HECA: variants seen among roughly 807,000 people sequenced by gnomAD.
HECA encodes HECA ribonucleoprotein granule regulator.
In HECA, 13 loss-of-function variants were observed where a neutral mutation model predicts 37.6. The observed-to-expected ratio is 0.35, with a 90% CI of 0.23 to 0.55. The LOEUF is 0.55. HECA is among the 20% of genes least tolerant of loss of function. The probability of loss-of-function intolerance (pLI) is 0.90; values close to 1 mark genes in which losing one functional copy is unlikely to be tolerated. For missense variants in HECA, 527 were observed against 701.9 expected, an observed-to-expected ratio of 0.75 and a Z score of 2.82; for synonymous variants, 307 against 291.5, an observed-to-expected ratio of 1.05 and a Z score of -0.54.
intron 1 of HECA, among the ~76,000 whole-genome samples, chr6:139,148,036 A>C (rs1399719649): frequency 6.6e-6 from 1 of 152,116 alleles, no homozygotes; most frequent in Middle Eastern, 3.2e-3. Flanking sequence ...TAATATTTGC[A>C]TTTTTTGGAT....
rs1308146354 is a variant in HECA, at chr6:139,176,305, A to T, written c.1468-636A>T. On this transcript the variant is annotated intron_variant, in intron 3 of 3. Transcript: ENST00000367658. The surrounding 1 kb of genome is among the most constrained non-coding windows in gnomAD (Gnocchi z 4.5). ...ACCTCCCAGGAGTATTTTGAGAACA[A>T]GTTGAGATTATACTTTTTAAGTACA... Among the ~76,000 whole-genome samples, 1 of 152,222 alleles carries T rather than the reference A, an allele frequency of 6.6e-6. No homozygotes were observed. The highest frequency in any genetic ancestry group is 1.5e-5 in the Non-Finnish European group (1 of 68,040).
intron 1 of HECA, among the ~76,000 whole-genome samples, chr6:139,138,012 C>T (rs940082292): frequency 1.6e-4 from 25 of 152,246 alleles, no homozygotes; most frequent in Admixed American, 1.2e-3. Context: ...GATGTGAAGT[C>T]TTCGTGAATG....
In HECA at chr6:139,138,365, A is replaced by G. The variant is rs974404927; in HGVS notation, c.271+2698A>G. On this transcript the variant is annotated intron_variant, in intron 1 of 3. Transcript: ENST00000367658. ...GACATTAGATTTTGTAATTACAGAA[A>G]TTACAAATCAAGTAATTATTACAAG... is the stretch of plus-strand genomic sequence containing the variant. Among the ~76,000 whole-genome samples, 9 of 152,344 alleles carry G rather than the reference A, an allele frequency of 5.9e-5. No individual in the cohort carries two copies. The East Asian group carries it at 1.7e-3, about 29-fold the overall frequency.
chr6:139,148,659 G>T (rs369038469), intron 1 of HECA, among the ~76,000 whole-genome samples: 1 of 152,044 alleles, frequency 6.6e-6, no homozygotes, highest in African/African-American at 2.4e-5. Flanking sequence ...CCAGCTACTC[G>T]TGAGGCTGAG....
rs1377412271 is a variant in HECA at position 139,167,008 on chromosome 6, CA to C, written c.997del (p.Arg333GlyfsTer29). On this transcript the variant is annotated frameshift_variant, in exon 2 of 4. Transcript: ENST00000367658. LOFTEE classifies it high-confidence loss of function. ...ACAGCCCTGCGGGGTTGGCAGTTCA[CA>C]GGGGGGGACACTTCGACACCCCCGT... ...DYSPAGLAVH[R>X]GGHFDTPVQF... The C allele has an allele frequency of 1.9e-6, 3 of 1,614,188 alleles. No homozygotes were observed. The highest frequency in any genetic ancestry group is 2.5e-6 in the Non-Finnish European group (3 of 1,180,038).
chr6:139,148,743 G>A (rs1774614033), intron 1 of HECA, among the ~76,000 whole-genome samples: 1 of 151,886 alleles, frequency 6.6e-6, no homozygotes, highest in Non-Finnish European at 1.5e-5. Context: ...TCCAGCCTGG[G>A]CATTAGAGGG....
chr6:139,167,112 G>T lies in HECA; in HGVS notation c.1100G>T (p.Arg367Leu). ...CATAAGCTGAACACTTTCCACGTGC[G>T]CATGGAAGACGATGCCCAAGTGGGC... is the stretch of plus-strand genomic sequence containing the variant. ...PRHKLNTFHV[R>L]MEDDAQVGQG... The change falls in exon 2 of 4, where the codon CGC (arginine) becomes CTC (leucine). Residue 367 changes from arginine to leucine, a missense_variant. Coordinates refer to ENST00000367658, the MANE Select transcript of HECA (RefSeq NM_016217.3). 6 of 1,614,186 alleles carry T rather than the reference G, an allele frequency of 3.7e-6. No individual in the cohort carries two copies. The highest frequency in any genetic ancestry group is 5.1e-6 in the Non-Finnish European group (6 of 1,180,042).
At chr6:139,146,305 A>T (rs1725226745) in intron 1 of HECA, among the ~76,000 whole-genome samples, 1 of 152,188 alleles carries the variant, frequency 6.6e-6, no homozygotes, top group Admixed American at 6.5e-5. Context: ...CTCTAGGGGT[A>T]AGCATAGGTT....
At position 139,136,476 on chromosome 6, in the gene HECA, T is replaced by TA. The variant is rs562653849; in HGVS notation, c.271+810dup. Among the ~76,000 whole-genome samples the TA allele has an allele frequency of 2.4e-3, 372 of 152,194 alleles. 2 individuals carry two copies. The highest frequency in any genetic ancestry group is 8.6e-3 in the African/African-American group (356 of 41,524). ...CGTTATAAGGTGCTGGGCAAACACT[T>TA]ACTTATTTGGACAGTTCTTTGAATT... On this transcript the variant is annotated intron_variant, in intron 1 of 3. Transcript: ENST00000367658.
chr6:139,153,973 T>G (rs931689476), intron 1 of HECA, among the ~76,000 whole-genome samples: 1 of 152,168 alleles, frequency 6.6e-6, no homozygotes, highest in African/African-American at 2.4e-5. Flanking sequence ...TTACCAAAAT[T>G]AACTTTTTCA....
intron 1 of HECA, among the ~76,000 whole-genome samples, chr6:139,147,849 A>C (rs1423214574): frequency 1.3e-5 from 2 of 152,138 alleles, no homozygotes; most frequent in Non-Finnish European, 2.9e-5. Context: ...CTTTAGGGTA[A>C]AGTCCTAGCA....
intron 1 of HECA, among the ~76,000 whole-genome samples, chr6:139,156,253 G>C (rs937627751): frequency 6.6e-6 from 1 of 152,030 alleles, no homozygotes; most frequent in Non-Finnish European, 1.5e-5. Context: ...ACAGGCTGTG[G>C]TGTAGTAGCA....
At chr6:139,157,823 C>G (rs1774738582) in intron 1 of HECA, among the ~76,000 whole-genome samples, 1 of 151,996 alleles carries the variant, frequency 6.6e-6, no homozygotes, top group South Asian at 2.1e-4. Flanking sequence ...AGGCGAGGCA[C>G]AGGTGGAGGA....
chr6:139,143,859 CAAAAAAAAA>C (rs59382752), intron 1 of HECA, among the ~76,000 whole-genome samples: 2 of 135,402 alleles, frequency 1.5e-5, no homozygotes, highest in Non-Finnish European at 3.2e-5. Flanking sequence ...GACTCTGTCT[CAAAAAAAAA>C]AAAAAAAAAA....
At chr6:139,148,155 A>T (rs1316870796) in intron 1 of HECA, among the ~76,000 whole-genome samples, 1 of 152,126 alleles carries the variant, frequency 6.6e-6, no homozygotes, top group Non-Finnish European at 1.5e-5. Flanking sequence ...TGATTTTCAC[A>T]AAGTGTTTGC....
intron 2 of HECA, among the ~76,000 whole-genome samples, chr6:139,173,206 C>G (rs145803617): frequency 6.6e-6 from 1 of 152,298 alleles, no homozygotes; most frequent in East Asian, 1.9e-4. Flanking sequence ...TTCTTGTCAT[C>G]CTTCCCCCTT....
chr6:139,152,271 T>C (rs1774660395), intron 1 of HECA, among the ~76,000 whole-genome samples: 1 of 152,154 alleles, frequency 6.6e-6, no homozygotes, highest in Non-Finnish European at 1.5e-5. Context: ...AATAGAAACC[T>C]AGAGTTTTTT....
intron 1 of HECA, among the ~76,000 whole-genome samples, chr6:139,138,029 C>T (rs1469296032): frequency 6.6e-6 from 1 of 152,142 alleles, no homozygotes; most frequent in Admixed American, 6.5e-5. Context: ...AATGATTCAC[C>T]TTAATGTGAG....
chr6:139,151,472 TTCC>T (rs1774650184), intron 1 of HECA, among the ~76,000 whole-genome samples: 1 of 18,768 alleles, frequency 5.3e-5, no homozygotes, highest in Admixed American at 7.1e-4. Flanking sequence ...CTTCTGTTTC[TTCC>T]GGCCGTGCTT....
Sources: gnomAD v4.1 joint callset for allele counts (sites outside exome capture counted in the v4.1 genomes callset) on GRCh38, gnomAD v4.1.1 for gene constraint, Gnocchi (gnomAD v3.1) non-coding constraint, MANE v1.5 for transcripts, NCBI Gene and HGNC (gene_info 2026-07-23, HGNC 2026-07-21) for gene names.